DNAH11: variants seen among roughly 807,000 people sequenced by gnomAD.
The protein encoded by DNAH11 is axonemal beta dynein heavy chain 11.
DNAH11 carries 442 observed loss-of-function variants against 526.0 expected under a neutral mutation model. The ratio of observed to expected loss-of-function variants is 0.84; its 90% CI spans 0.78 to 0.91. The LOEUF (loss-of-function observed/expected upper bound fraction) is 0.91. DNAH11 is among the 40% of genes least tolerant of loss of function. The pLI is 0.00. For missense variants in DNAH11, 6,989 were observed against 5,448.7 expected (o/e 1.28, Z -8.90); for synonymous variants, 2,461 against 1,935.9 (o/e 1.27, Z -7.12).
At chr7:21,888,755 T>C (rs1695700069) in intron 76 of DNAH11, among the ~76,000 whole-genome samples, 1 of 152,150 alleles carries the variant, frequency 6.6e-6, no homozygotes. Flanking sequence ...CCCAAAGTGC[T>C]GGGATTACAG....
chr7:21,877,664 A>G (rs1027677102), intron 74 of DNAH11, among the ~76,000 whole-genome samples: 18 of 152,166 alleles, frequency 1.2e-4, no homozygotes, highest in African/African-American at 4.3e-4. Flanking sequence ...TCACGAGGTC[A>G]GGAGATTGAG....
intron 31 of DNAH11, among the ~76,000 whole-genome samples, chr7:21,683,496 A>G (rs909911148): frequency 6.7e-6 from 1 of 149,918 alleles, no homozygotes; most frequent in Non-Finnish European, 1.5e-5. Flanking sequence ...GTATAAAGTT[A>G]CAAGATTTAT....
rs139732227 is a variant in DNAH11 at position 21,578,810 on chromosome 7, A to C, written c.1594-3095A>C. On this transcript the variant is annotated intron_variant, in intron 8 of 81. Transcript: ENST00000409508. ...ATGTGCCAAACACAACTGCCTACCCAACGTCTCCACTGAGATATTTCATAC... is the reference window on the plus strand; with the variant it reads ...ATGTGCCAAACACAACTGCCTACCCCACGTCTCCACTGAGATATTTCATAC... 3.5e-3 allele frequency among the ~76,000 whole-genome samples: 527 copies of C among 152,232 alleles called. 1 individual carries two copies. Among genetic ancestry groups the C allele is most frequent in the Non-Finnish European group, 6.1e-3 (417 of 68,010 alleles).
chr7:21,753,263 A>T (rs1246604965), intron 54 of DNAH11, among the ~76,000 whole-genome samples: 1 of 152,186 alleles, frequency 6.6e-6, no homozygotes, highest in South Asian at 2.1e-4. Context: ...ACTCTGTACC[A>T]GGAAACCTAA....
At chr7:21,623,734 A>G (rs969632849) in intron 25 of DNAH11, among the ~76,000 whole-genome samples, 2 of 149,152 alleles carry the variant, frequency 1.3e-5, no homozygotes, top group Admixed American at 6.7e-5. Flanking sequence ...CAAGCACTGC[A>G]TGTTCTCACA....
rs776820810 is a variant in DNAH11 at position 21,744,444 on chromosome 7, T to C, written c.8161T>C (p.Leu2721=). 1.9e-6 allele frequency: 3 copies of C among 1,613,528 alleles called. No individual in the cohort carries two copies. The highest frequency in any genetic ancestry group is 2.5e-6 in the Non-Finnish European group (3 of 1,179,702). Residue 2721 remains leucine, a synonymous_variant, in exon 50 of 82, where the codon TTA becomes CTA. Coordinates refer to ENST00000409508, the MANE Select transcript of DNAH11 (RefSeq NM_001277115.2). ...RDLSNVFQGI[L]FASPECLKGP... ...CCCCATTCTTGCCTTGTAGGGGATT[T>C]TATTTGCTTCTCCTGAGTGTTTAAA...
chr7:21,749,846 A>G (rs536318339), intron 53 of DNAH11, 45 bp downstream of exon 53: 1 of 1,609,052 alleles, frequency 6.2e-7, no homozygotes, highest in African/African-American at 1.3e-5. Context: ...CCCAATGACA[A>G]ATTATCTGTA....
chr7:21,581,785 A>C (rs1241794942), intron 8 of DNAH11, 120 bp from the exon 9 acceptor site: 2 of 645,250 alleles, frequency 3.1e-6, no homozygotes, highest in Non-Finnish European at 5.5e-6. Context: ...ATGAAAAATA[A>C]ATTCACTCAG....
At chr7:21,765,909 A>C (rs1382424963) in intron 55 of DNAH11, among the ~76,000 whole-genome samples, 1 of 152,122 alleles carries the variant, frequency 6.6e-6, no homozygotes, top group Non-Finnish European at 1.5e-5. Context: ...ACTTCCTTGA[A>C]TCATAATGGG....
chr7:21,841,422 T>C (rs891330018), intron 65 of DNAH11, among the ~76,000 whole-genome samples: 1 of 152,154 alleles, frequency 6.6e-6, no homozygotes, highest in Non-Finnish European at 1.5e-5. Flanking sequence ...ACTTTCATGC[T>C]AATGTTGATG....
chr7:21,840,180 G>A (rs1318618213), intron 65 of DNAH11, among the ~76,000 whole-genome samples: 1 of 152,114 alleles, frequency 6.6e-6, no homozygotes, highest in East Asian at 1.9e-4. Flanking sequence ...ATTAAAAATT[G>A]TTGCTAATAT....
intron 65 of DNAH11, among the ~76,000 whole-genome samples, chr7:21,819,744 G>A (rs1390476054): frequency 6.6e-6 from 1 of 152,154 alleles, no homozygotes; most frequent in Non-Finnish European, 1.5e-5. Flanking sequence ...ATGATTCTCA[G>A]TATGGACGTA....
intron 8 of DNAH11, among the ~76,000 whole-genome samples, chr7:21,579,189 A>T (rs775727594): frequency 6.6e-6 from 1 of 152,200 alleles, no homozygotes; most frequent in Non-Finnish European, 1.5e-5. Context: ...ATAGCTTCTC[A>T]TGATGCTAAT....
At position 21,635,854 on chromosome 7, in the gene DNAH11, C is replaced by A. The variant is rs1183847088; in HGVS notation, c.4501-17C>A. The A allele has an allele frequency of 6.3e-7, 1 of 1,585,576 alleles. No homozygotes were observed. Among genetic ancestry groups the A allele is most frequent in the South Asian group, 1.1e-5 (1 of 87,114 alleles). On this transcript the variant is annotated splice_polypyrimidine_tract_variant and intron_variant, in intron 25 of 81. Coordinates refer to ENST00000409508, the MANE Select transcript of DNAH11 (RefSeq NM_001277115.2). ...CTAAATTTAGCTACTATTTAAAATT[C>A]TTTGCCTTTATTTTAGGTTCAGTTG... is the stretch of plus-strand genomic sequence containing the variant.
intron 57 of DNAH11, among the ~76,000 whole-genome samples, chr7:21,783,716 T>A (rs1470676735): frequency 6.8e-6 from 1 of 147,812 alleles, no homozygotes; most frequent in African/African-American, 2.5e-5. Context: ...TTATATATCA[T>A]GTCAGAAGGC....
rs758640720 is a variant in DNAH11, at chr7:21,784,453, C to T, written c.9510C>T (p.Phe3170=). Residue 3170 remains phenylalanine (F), a synonymous_variant, in exon 58 of 82, where the codon TTC becomes TTT. Transcript: ENST00000409508. ...TGACAGCCATTCAGACTGAAGTGTT[C>T]CAGAAACAGAGAGAATGTGAAGCTG... ...RKVTAIQTEV[F]QKQRECEADL... The T allele has an allele frequency of 1.1e-5, 18 of 1,613,198 alleles. No homozygotes were observed. Among genetic ancestry groups the T allele is most frequent in the Non-Finnish European group, 1.5e-5 (18 of 1,179,608 alleles).
intron 14 of DNAH11, among the ~76,000 whole-genome samples, chr7:21,593,617 C>T (rs1001567579): frequency 9.2e-5 from 14 of 151,906 alleles, no homozygotes; most frequent in Non-Finnish European, 2.1e-4. Context: ...TAGACAGGAG[C>T]GCGGAGCATT....
At chr7:21,846,340 A>G (rs1396609008) in intron 66 of DNAH11, among the ~76,000 whole-genome samples, 1 of 152,154 alleles carries the variant, frequency 6.6e-6, no homozygotes, top group East Asian at 1.9e-4. Context: ...CATTAAGTAC[A>G]ATGTAAGCTA....
At chr7:21,685,073 A>G (rs750230459) in intron 32 of DNAH11, among the ~76,000 whole-genome samples, 1 of 152,230 alleles carries the variant, frequency 6.6e-6, no homozygotes, top group Non-Finnish European at 1.5e-5. Context: ...ACCTGCTCAT[A>G]ATCGCGACAT....
Sources: allele counts gnomAD v4.1 joint callset (sites outside exome capture counted in the v4.1 genomes callset), GRCh38; gene constraint gnomAD v4.1.1; transcripts MANE v1.5; gene names NCBI Gene and HGNC (gene_info 2026-07-23, HGNC 2026-07-21).